Variants in SCFD2 observed in about 807,000 individuals in gnomAD.
The protein encoded by SCFD2 is sec1 family domain-containing protein 2.
Under a neutral mutation model 58.9 loss-of-function variants are expected in SCFD2, and 54 were observed. That is an observed-to-expected ratio of 0.92 (90% CI 0.74 to 1.15). SCFD2 has a LOEUF of 1.15. Ranked by LOEUF, SCFD2 falls within the 50% of genes most tolerant of loss-of-function variation. The pLI, the probability that SCFD2 is intolerant of heterozygous loss-of-function variation, is 0.00. For missense variants in SCFD2, 805 were observed against 836.6 expected, an observed-to-expected ratio of 0.96 and a Z score of 0.47; for synonymous variants, 321 against 335.9, an observed-to-expected ratio of 0.96 and a Z score of 0.49.
At chr4:53,176,601 TA>T (rs1284531345) in intron 4 of SCFD2, among the ~76,000 whole-genome samples, 1 of 152,224 alleles carries the variant, frequency 6.6e-6, no homozygotes, top group Non-Finnish European at 1.5e-5. Flanking sequence ...AAAAGCCTTC[TA>T]GACCACTGTT....
At chr4:53,340,340 C>T (rs1024333418) in intron 2 of SCFD2, among the ~76,000 whole-genome samples, 12 of 152,318 alleles carry the variant, frequency 7.9e-5, no homozygotes, top group Admixed American at 3.9e-4. Flanking sequence ...GAGGGTCCCA[C>T]GCCCACAAAG....
chr4:52,970,056 T>A (rs1289432934), intron 5 of SCFD2, among the ~76,000 whole-genome samples: 1 of 152,154 alleles, frequency 6.6e-6, no homozygotes, highest in Non-Finnish European at 1.5e-5. Flanking sequence ...GATGGCTGAA[T>A]AGGAACAACT....
chr4:53,208,213 G>A (rs1009223324), intron 4 of SCFD2, among the ~76,000 whole-genome samples: 17 of 151,538 alleles, frequency 1.1e-4, no homozygotes, highest in Non-Finnish European at 5.9e-5. Context: ...ACGAGCTCAT[G>A]CAATCCACTT....
At chr4:53,108,642 A>G (rs933449727) in intron 5 of SCFD2, among the ~76,000 whole-genome samples, 4 of 152,210 alleles carry the variant, frequency 2.6e-5, no homozygotes, top group African/African-American at 4.8e-5. Flanking sequence ...TCCTGAACAC[A>G]TACACCCTCC....
chr4:52,907,110 C>T (rs1031775334), intron 7 of SCFD2, among the ~76,000 whole-genome samples: 2 of 152,154 alleles, frequency 1.3e-5, no homozygotes, highest in African/African-American at 4.8e-5. Context: ...GAGCAAAGGG[C>T]TGTCACTAAG....
At chr4:53,337,713 T>C (rs147086698) in intron 2 of SCFD2, among the ~76,000 whole-genome samples, 3 of 152,290 alleles carry the variant, frequency 2.0e-5, no homozygotes, top group South Asian at 2.1e-4. Context: ...GGTAGATTCA[T>C]GCAACAAAAT....
At chr4:52,979,814 C>A (rs1412566760) in intron 5 of SCFD2, among the ~76,000 whole-genome samples, 5 of 152,052 alleles carry the variant, frequency 3.3e-5, no homozygotes, top group Admixed American at 3.3e-4. Context: ...CCTCTTATTT[C>A]CCCTCTGCAC....
chr4:53,192,220 C>G (rs1327400671), intron 4 of SCFD2, among the ~76,000 whole-genome samples: 1 of 152,130 alleles, frequency 6.6e-6, no homozygotes, highest in South Asian at 2.1e-4. Flanking sequence ...CACCACTGTC[C>G]CCACGACTCC....
At chr4:53,055,983 G>A (rs1381526252) in intron 5 of SCFD2, among the ~76,000 whole-genome samples, 1 of 152,108 alleles carries the variant, frequency 6.6e-6, no homozygotes, top group Non-Finnish European at 1.5e-5. Context: ...AACTGCAAAG[G>A]AAGGAAAATA....
intron 5 of SCFD2, among the ~76,000 whole-genome samples, chr4:53,036,606 T>C (rs1560308928): frequency 6.6e-6 from 1 of 151,608 alleles, no homozygotes; most frequent in Non-Finnish European, 1.5e-5. Flanking sequence ...GAAAGCCAAA[T>C]ACCACATGTT....
chr4:53,295,108 T>A (rs930068990), intron 3 of SCFD2, among the ~76,000 whole-genome samples: 2 of 152,164 alleles, frequency 1.3e-5, no homozygotes, highest in African/African-American at 4.8e-5. Context: ...CTTAGGATTG[T>A]CTTGGCTATG....
rs373608900 is a variant in SCFD2 at position 53,365,616 on chromosome 4, T to G, written c.326A>C (p.His109Pro). The G allele has an allele frequency of 6.2e-7, 1 of 1,614,234 alleles. No homozygotes were observed. The highest frequency in any genetic ancestry group is 1.1e-5 in the South Asian group (1 of 91,090). Residue 109 changes from histidine (H) to proline (P), a missense_variant, in exon 1 of 9, where the codon CAC (histidine) becomes CCC (proline). Physicochemically the swap from His to Pro is moderately conservative, Grantham distance 77. Around this residue, in one of 3 missense-constraint regions of SCFD2, gnomAD observed 155 missense variants for 149.7 expected, o/e 1.04. Transcript: ENST00000401642. This position sits in a 1 kb window ranked among gnomAD's most constrained non-coding sequence, Gnocchi z 4.3. ...QYCVVVTTVS[H>P]AVHLTANHVP... is the part of the protein sequence containing the mutation. ...ATGATTAGCTGTGAGGTGGACAGCG[T>G]GGCTCACGGTTGTGACCACCACACA... is the stretch of plus-strand genomic sequence containing the variant.
At chr4:53,046,372 C>T (rs1397389314) in intron 5 of SCFD2, among the ~76,000 whole-genome samples, 2 of 152,006 alleles carry the variant, frequency 1.3e-5, no homozygotes, top group Admixed American at 6.6e-5. Flanking sequence ...TGCCACCACA[C>T]TCAGCTAATT....
intron 5 of SCFD2, among the ~76,000 whole-genome samples, chr4:53,096,597 G>A (rs1724644014): frequency 6.6e-6 from 1 of 152,104 alleles, no homozygotes; most frequent in East Asian, 1.9e-4. Flanking sequence ...TGAGTTCTTT[G>A]TAGATTCTGG....
rs192195262 is a variant in SCFD2, at chr4:53,278,033, C to G, written c.1136-4032G>C. Among the ~76,000 whole-genome samples the G allele has an allele frequency of 4.1e-5, 6 of 145,142 alleles. No homozygotes were observed. In the Admixed American group the frequency reaches 4.2e-4, roughly 10 times the overall value. ...CGGCCACTGCACTCTAGCCCAGGGA[C>G]AGAACGAGACTCCGTCTCAAAACAA... On this transcript the variant is annotated intron_variant, in intron 3 of 8. Coordinates refer to ENST00000401642, the MANE Select transcript of SCFD2 (RefSeq NM_152540.4).
chr4:52,995,333 T>C (rs1721718676), intron 5 of SCFD2, among the ~76,000 whole-genome samples: 1 of 152,200 alleles, frequency 6.6e-6, no homozygotes, highest in Non-Finnish European at 1.5e-5. Context: ...GCTGCTGATC[T>C]GACAGGAGGT....
chr4:53,076,763 C>T (rs1381418281), intron 5 of SCFD2, among the ~76,000 whole-genome samples: 1 of 152,288 alleles, frequency 6.6e-6, no homozygotes, highest in Non-Finnish European at 1.5e-5. Context: ...TTCTCTACAC[C>T]GGCTCAAAGT....
chr4:53,062,391 CAATAAT>C (rs60077342), intron 5 of SCFD2, among the ~76,000 whole-genome samples: 306 of 149,824 alleles, frequency 2.0e-3, no homozygotes, highest in Non-Finnish European at 3.1e-3. Context: ...CGTACAATAA[CAATAAT>C]AATAATAATA....
chr4:53,150,164 A>C (rs1229426479), intron 4 of SCFD2, among the ~76,000 whole-genome samples: 1 of 152,176 alleles, frequency 6.6e-6, no homozygotes, highest in Non-Finnish European at 1.5e-5. Flanking sequence ...AAGCTATTCT[A>C]AAATAAAATG....
Sources: allele counts gnomAD v4.1 joint callset (sites outside exome capture counted in the v4.1 genomes callset), GRCh38; gene constraint gnomAD v4.1.1; regional missense constraint gnomAD v4.1.1; non-coding constraint Gnocchi (gnomAD v3.1); transcripts MANE v1.5; gene names NCBI Gene and HGNC (gene_info 2026-07-23, HGNC 2026-07-21).